ADCY2: variants seen among roughly 807,000 people sequenced by gnomAD.
The protein encoded by ADCY2 is adenylate cyclase type 2.
Under a neutral mutation model 125.2 loss-of-function variants are expected in ADCY2, and 31 were observed. The observed-to-expected ratio is 0.25, with a 90% confidence interval of 0.19 to 0.33. The LOEUF is 0.33. Among genes scored for constraint, ADCY2 ranks in the 10% least tolerant of loss-of-function variants. ADCY2 has a pLI of 1.00. For missense variants in ADCY2, 904 were observed against 1,418.2 expected, an observed-to-expected ratio of 0.64 and a Z score of 5.82; for synonymous variants, 512 against 548.4, an observed-to-expected ratio of 0.93 and a Z score of 0.93.
intron 3 of ADCY2, among the ~76,000 whole-genome samples, chr5:7,579,850 AC>A (rs1221670779): frequency 6.6e-6 from 1 of 152,240 alleles, no homozygotes; most frequent in African/African-American, 2.4e-5. Context: ...AGTATCAAAG[AC>A]ATGGAATCAC....
intron 14 of ADCY2, among the ~76,000 whole-genome samples, chr5:7,734,963 C>A (rs1742204658): frequency 6.6e-6 from 1 of 152,194 alleles, no homozygotes; most frequent in Non-Finnish European, 1.5e-5. Context: ...GCAGCCAATT[C>A]TCATAAGGGC....
intron 20 of ADCY2, chr5:7,795,089 A>C (rs1279976083): frequency 6.6e-6 from 1 of 152,196 alleles, no homozygotes; most frequent in South Asian, 2.1e-4. Context: ...ACTGGTCCCC[A>C]CACAAGCCTT....
intron 23 of ADCY2, among the ~76,000 whole-genome samples, chr5:7,819,976 A>G (rs1359556073): frequency 6.6e-6 from 1 of 152,184 alleles, no homozygotes; most frequent in Non-Finnish European, 1.5e-5. Context: ...GAGCTGACAG[A>G]TGCAAGGCTG....
At chr5:7,731,117 C>T (rs936143376) in intron 14 of ADCY2, among the ~76,000 whole-genome samples, 3 of 152,154 alleles carry the variant, frequency 2.0e-5, no homozygotes, top group African/African-American at 7.2e-5. Context: ...ATAAATTCTT[C>T]ACCCAACATT....
At chr5:7,521,047 G>A in intron 3 of ADCY2, 148 bp downstream of exon 3, 1 of 884,000 alleles carries the variant, frequency 1.1e-6, no homozygotes, top group Non-Finnish European at 1.7e-6. Context: ...CTATAACACT[G>A]AGGAGCCAGC....
intron 2 of ADCY2, among the ~76,000 whole-genome samples, chr5:7,517,216 A>G (rs986443841): frequency 2.6e-5 from 4 of 152,122 alleles, no homozygotes; most frequent in Admixed American, 6.5e-5. Flanking sequence ...CTATTGTGCA[A>G]ACTTGGGGTT....
intron 16 of ADCY2, among the ~76,000 whole-genome samples, chr5:7,764,647 A>G (rs1170752805): frequency 6.6e-6 from 1 of 152,276 alleles, no homozygotes; most frequent in East Asian, 1.9e-4. Context: ...CATTTTATTT[A>G]GGATGTTTTG....
chr5:7,656,949 C>G (rs1260457037), intron 4 of ADCY2, among the ~76,000 whole-genome samples: 2 of 152,190 alleles, frequency 1.3e-5, no homozygotes, highest in Admixed American at 6.5e-5. Context: ...CAACATGATA[C>G]CACAAGTGGA....
At chr5:7,729,075 C>T (rs983455249) in intron 14 of ADCY2, among the ~76,000 whole-genome samples, 1 of 152,196 alleles carries the variant, frequency 6.6e-6, no homozygotes, top group South Asian at 2.1e-4. Context: ...GTTGCATTTG[C>T]TCTAAGGAAA....
At chr5:7,705,015 G>A (rs1402512417) in intron 7 of ADCY2, among the ~76,000 whole-genome samples, 1 of 152,142 alleles carries the variant, frequency 6.6e-6, no homozygotes, top group Non-Finnish European at 1.5e-5. Context: ...CTGTCAAGTG[G>A]ACAGTCTGAG....
rs879381288 is a variant in ADCY2 at position 7,575,164 on chromosome 5, TA to T, written c.571-50994del. On this transcript the variant is annotated intron_variant, in intron 3 of 24. Coordinates refer to ENST00000338316, the MANE Select transcript of ADCY2 (RefSeq NM_020546.3). Reference sequence around the variant, plus strand: ...AACATAGCAAGATTGTGTCTCTCTATAAAAAAAAATTTTTAAATTAAAAAAT... The same window carrying T: ...AACATAGCAAGATTGTGTCTCTCTATAAAAAAAATTTTTAAATTAAAAAAT... 1.8e-4 allele frequency among the ~76,000 whole-genome samples: 28 copies of T among 151,476 alleles called. No homozygotes were observed. The East Asian group carries it at 2.7e-3, about 15-fold the overall frequency.
intron 15 of ADCY2, among the ~76,000 whole-genome samples, chr5:7,750,514 C>T (rs1742774893): frequency 6.6e-6 from 1 of 152,194 alleles, no homozygotes; most frequent in Admixed American, 6.5e-5. Flanking sequence ...TACCATTCCA[C>T]CTTTCTGGAC....
At chr5:7,420,783 T>C (rs906318553) in intron 2 of ADCY2, among the ~76,000 whole-genome samples, 3 of 152,234 alleles carry the variant, frequency 2.0e-5, no homozygotes, top group Admixed American at 2.0e-4. Context: ...GTCTGCCTCT[T>C]GCCTGACTGC....
chr5:7,810,530 T>A (rs1212705813), intron 22 of ADCY2, among the ~76,000 whole-genome samples: 2 of 152,104 alleles, frequency 1.3e-5, no homozygotes, highest in African/African-American at 4.8e-5. Flanking sequence ...ATCTACCTGG[T>A]TGGTGGATTA....
chr5:7,534,045 C>T, intron 3 of ADCY2, among the ~76,000 whole-genome samples: 1 of 152,146 alleles, frequency 6.6e-6, no homozygotes, highest in Non-Finnish European at 1.5e-5. Context: ...CTCTGGAGTC[C>T]AGCCTCCTGA....
chr5:7,726,085 C>T (rs1194002711), intron 13 of ADCY2, among the ~76,000 whole-genome samples: 1 of 152,178 alleles, frequency 6.6e-6, no homozygotes, highest in African/African-American at 2.4e-5. Context: ...CAGCACTAAA[C>T]TAGAGAGGCT....
At chr5:7,810,397 G>A (rs1041757808) in intron 22 of ADCY2, among the ~76,000 whole-genome samples, 1 of 151,826 alleles carries the variant, frequency 6.6e-6, no homozygotes, top group Non-Finnish European at 1.5e-5. Flanking sequence ...TGATGGGTGG[G>A]TTATCTGCCT....
chr5:7,798,621 C>T (rs1027946660), intron 20 of ADCY2: 4 of 149,862 alleles, frequency 2.7e-5, no homozygotes, highest in South Asian at 4.3e-4. Flanking sequence ...GCTCTGTCAC[C>T]CAGGCTGGAG....
At chr5:7,737,845 T>C (rs180979639) in intron 14 of ADCY2, among the ~76,000 whole-genome samples, 15 of 152,332 alleles carry the variant, frequency 9.8e-5, no homozygotes, top group Admixed American at 9.8e-4. Context: ...AATAAATGGC[T>C]GCCTTCTTAT....
Sources: allele counts gnomAD v4.1 joint callset (sites outside exome capture counted in the v4.1 genomes callset), GRCh38; gene constraint gnomAD v4.1.1; transcripts MANE v1.5; gene names NCBI Gene and HGNC (gene_info 2026-07-23, HGNC 2026-07-21).